The following ZNF677 variants were observed in gnomAD, a reference collection of about 807,000 sequenced individuals.
ZNF677 encodes the protein zinc finger protein 677, also known as hypothetical protein MGC48625.
Under a neutral mutation model 8.1 loss-of-function variants are expected in ZNF677, and 5 were observed. That is an observed-to-expected ratio of 0.62 (90% CI 0.32 to 1.29). The LOEUF is 1.29. ZNF677 is among the 50% of genes most tolerant of loss of function. The pLI is 0.05. For synonymous variants in ZNF677, 221 were observed against 225.6 expected (o/e 0.98, Z 0.18); for missense variants, 685 against 685.9 (o/e 1.00, Z 0.01).
At chr19:53,246,102 C>T (rs10419854) in intron 3 of ZNF677, among the ~76,000 whole-genome samples, 28,941 of 151,832 alleles carry the variant, frequency 0.19, 2,947 homozygotes, top group Middle Eastern at 0.26. Context: ...ATGGATCACA[C>T]GGTCAGGAGA....
At chr19:53,252,873 C>A (rs2091256852) in intron 2 of ZNF677, among the ~76,000 whole-genome samples, 1 of 152,156 alleles carries the variant, frequency 6.6e-6, no homozygotes. Context: ...TCGCACCCCA[C>A]CTCCAGTCAA....
chr19:53,248,690 G>A (rs3111318), intron 3 of ZNF677, among the ~76,000 whole-genome samples: 112,397 of 152,066 alleles, frequency 0.74, 42,081 homozygotes, highest in African/African-American at 0.86. Flanking sequence ...CTTTTTGAGG[G>A]TCACTGTACA....
rs866230433 is a variant in ZNF677, at chr19:53,237,621, T to C, written c.1106A>G (p.His369Arg). The C allele has an allele frequency of 3.7e-6, 6 of 1,613,784 alleles. No homozygotes were observed. In the African/African-American group the frequency reaches 8.0e-5, roughly 22 times the overall value. The change falls in exon 5 of 5, where the codon CAT becomes CGT. Residue 369 changes from histidine to arginine, a missense_variant. Physicochemically the swap from His to Arg is conservative, Grantham distance 29. Coordinates refer to ENST00000598513, the MANE Select transcript of ZNF677 (RefSeq NM_182609.4). ...ACATTTGTAAGGTTTCTCTCCAGTA[T>C]GAATTCTTTCATGACCCCAAAGGTG... ...RSHLWGHERI[H>R]TGEKPYKCNE...
chr19:53,240,462 C>T (rs1242730242), intron 4 of ZNF677: 2 of 152,158 alleles, frequency 1.3e-5, no homozygotes, highest in East Asian at 1.9e-4. Context: ...TAGCCAGGAT[C>T]GTCTTGATCT....
intron 3 of ZNF677, among the ~76,000 whole-genome samples, chr19:53,247,884 A>G (rs2091171651): frequency 6.6e-6 from 1 of 152,180 alleles, no homozygotes; most frequent in South Asian, 2.1e-4. Context: ...AGTCTTTTAT[A>G]AACATTATAT....
At chr19:53,251,681 G>A in intron 2 of ZNF677, 76 bp from the exon 3 acceptor site, 1 of 1,024,362 alleles carries the variant, frequency 9.8e-7, no homozygotes, top group South Asian at 1.6e-5. Flanking sequence ...CACAGGAAGA[G>A]GCTTGATATA....
chr19:53,237,836 G>A lies in ZNF677; in HGVS notation c.891C>T (p.Gly297=). The change falls in exon 5 of 5, where the codon GGC becomes GGT. Residue 297 remains glycine (G), a synonymous_variant. Coordinates refer to ENST00000598513, the MANE Select transcript of ZNF677 (RefSeq NM_182609.4). ...GQRPYKCNEC[G]KAFNQCSNLT... ...GGTTCGAACACTGGTTAAAGGCTTT[G>A]CCACACTCGTTACATTTGTAAGGTC... 1 of 1,613,316 alleles carries A rather than the reference G, an allele frequency of 6.2e-7. No individual in the cohort carries two copies. Among genetic ancestry groups the A allele is most frequent in the Non-Finnish European group, 8.5e-7 (1 of 1,179,632 alleles).
intron 3 of ZNF677, among the ~76,000 whole-genome samples, chr19:53,249,872 T>C (rs1213017474): frequency 6.6e-6 from 1 of 152,130 alleles, no homozygotes; most frequent in Non-Finnish European, 1.5e-5. Flanking sequence ...ATTTTTTAAT[T>C]ATTATTATTA....
intron 3 of ZNF677, among the ~76,000 whole-genome samples, chr19:53,248,544 A>T (rs2091183439): frequency 6.6e-6 from 1 of 152,166 alleles, no homozygotes; most frequent in East Asian, 1.9e-4. Context: ...GGGGATCTCA[A>T]TTTCACTGTC....
chr19:53,236,421 C>T lies in ZNF677; in HGVS notation c.*551G>A, dbSNP rs1037877885. The T allele has an allele frequency of 6.6e-6, 1 of 152,158 alleles. No individual in the cohort carries two copies. Among genetic ancestry groups the T allele is most frequent in the African/African-American group, 2.4e-5 (1 of 41,436 alleles). The allele number at this position is 152,158 out of a possible 1,614,324, so 9.4% of individuals were successfully genotyped here. A position where few individuals can be genotyped will look rare whatever the true frequency, so the allele number is the denominator to read the frequency against. On this transcript the variant is annotated 3_prime_UTR_variant, in exon 5 of 5. Coordinates refer to ENST00000598513, the MANE Select transcript of ZNF677 (RefSeq NM_182609.4). ...TTTTTAACACTGAAGTTACATCTTT[C>T]CACAGATGTCCTTGCTCCTCTGACA...
Position 53,254,829 on chromosome 19 carries a change from C to T in ZNF677, c.-127+5G>A, listed in dbSNP as rs2091291107. On this transcript the variant is annotated splice_donor_5th_base_variant and intron_variant, in intron 1 of 4. Transcript: ENST00000598513. Reference sequence around the variant, plus strand: ...CAGGCTTGAACCCGAAAGACGGAGACTCACCCGAGAGCGCCAGTAGCCCCG... The same window carrying T: ...CAGGCTTGAACCCGAAAGACGGAGATTCACCCGAGAGCGCCAGTAGCCCCG... 1 of 152,676 alleles carries T rather than the reference C, an allele frequency of 6.5e-6. No individual in the cohort carries two copies. The highest frequency in any genetic ancestry group is 2.4e-5 in the African/African-American group (1 of 41,450). 9.5% of individuals were successfully genotyped at this position (152,676 alleles called of 1,614,324 possible). A position where few individuals can be genotyped will look rare whatever the true frequency, so the allele number is the denominator to read the frequency against.
chr19:53,237,446 T>C lies in ZNF677; in HGVS notation c.1281A>G (p.Gly427=). ...ACACATTACATTTGTGTGGTTTCTCTCCAGGATGTATATTCTGATGCCTAG... is the reference window on the plus strand; with the variant it reads ...ACACATTACATTTGTGTGGTTTCTCCCCAGGATGTATATTCTGATGCCTAG... ...HLTRHQNIHP[G]EKPHKCNVCG... Residue 427 remains glycine (G), a synonymous_variant, in exon 5 of 5, where the codon GGA becomes GGG. Coordinates refer to ENST00000598513, the MANE Select transcript of ZNF677 (RefSeq NM_182609.4). The C allele has an allele frequency of 6.2e-7, 1 of 1,614,062 alleles. No homozygotes were observed. The highest frequency in any genetic ancestry group is 1.6e-4 in the Middle Eastern group (1 of 6,062).
At chr19:53,244,926 A>G (rs1003901974) in intron 3 of ZNF677, among the ~76,000 whole-genome samples, 5 of 152,214 alleles carry the variant, frequency 3.3e-5, no homozygotes, top group Non-Finnish European at 7.3e-5. Flanking sequence ...ACTAGAATAC[A>G]AAGCCCAGAA....
Position 53,236,812 on chromosome 19 carries a change from A to T in ZNF677, c.*160T>A. 1.7e-6 allele frequency: 1 copy of T among 583,966 alleles called. No homozygotes were observed. Among genetic ancestry groups the T allele is most frequent in the Non-Finnish European group, 2.8e-6 (1 of 357,216 alleles). 36.2% of individuals were successfully genotyped at this position (583,966 alleles called of 1,614,324 possible). On this transcript the variant is annotated 3_prime_UTR_variant, in exon 5 of 5. Coordinates refer to ENST00000598513, the MANE Select transcript of ZNF677 (RefSeq NM_182609.4). Reference sequence around the variant, plus strand: ...TACAGTAAGAATTCTATGATGTTCCACAAGGCTTGAACTTTGGATAAGCCT... The same window carrying T: ...TACAGTAAGAATTCTATGATGTTCCTCAAGGCTTGAACTTTGGATAAGCCT...
intron 1 of ZNF677, among the ~76,000 whole-genome samples, chr19:53,253,934 T>C (rs2091274898): frequency 6.6e-6 from 1 of 152,196 alleles, no homozygotes; most frequent in Non-Finnish European, 1.5e-5. Context: ...TTTCTTCCCA[T>C]TTCTTGACTC....
intron 4 of ZNF677, chr19:53,241,558 C>T (rs2091049703): frequency 3.0e-6 from 1 of 335,088 alleles, no homozygotes; most frequent in African/African-American, 2.1e-5. Context: ...CCAGGAGAAA[C>T]TCCTACACCT....
chr19:53,248,345 A>C (rs2091179924), intron 3 of ZNF677, among the ~76,000 whole-genome samples: 1 of 152,258 alleles, frequency 6.6e-6, no homozygotes, highest in South Asian at 2.1e-4. Context: ...CATATAGAAA[A>C]AAAGTTTTTA....
chr19:53,250,644 G>C (rs571210231), intron 3 of ZNF677, among the ~76,000 whole-genome samples: 14 of 152,256 alleles, frequency 9.2e-5, no homozygotes, highest in African/African-American at 3.1e-4. Context: ...CACATAGAGG[G>C]AAACAACACA....
In ZNF677 at chr19:53,235,724, C is replaced by G. The variant is rs1209417266; in HGVS notation, c.*1248G>C. On this transcript the variant is annotated 3_prime_UTR_variant, in exon 5 of 5. Transcript: ENST00000598513. ...AAATCTCTCAATGTCCCACCCTACT[C>G]TTCTTGTTTCATGGTCATCTTGTAC... 6.6e-6 allele frequency: 1 copy of G among 152,184 alleles called. No homozygotes were observed. The highest frequency in any genetic ancestry group is 6.5e-5 in the Admixed American group (1 of 15,284). The allele number at this position is 152,184 out of a possible 1,614,324, so 9.4% of individuals were successfully genotyped here.
Sources: allele counts gnomAD v4.1 joint callset (sites outside exome capture counted in the v4.1 genomes callset), GRCh38; gene constraint gnomAD v4.1.1; transcripts MANE v1.5; gene names NCBI Gene and HGNC (gene_info 2026-07-23, HGNC 2026-07-21).